The following KCNN3 variants were observed in gnomAD, a reference collection of about 807,000 sequenced individuals.
KCNN3 encodes the protein potassium calcium-activated channel subfamily N member 3.
In KCNN3, 16 loss-of-function variants were observed where a neutral mutation model predicts 62.9. That is an observed-to-expected ratio of 0.25 (90% confidence interval 0.17 to 0.39). The LOEUF is 0.39. Ranked by LOEUF, KCNN3 falls within the 10% of genes least tolerant of loss-of-function variation. KCNN3 has a pLI of 1.00. For missense variants in KCNN3, 599 were observed against 949.4 expected, an observed-to-expected ratio of 0.63 and a Z score of 4.85; for synonymous variants, 370 against 389.2, an observed-to-expected ratio of 0.95 and a Z score of 0.58.
At chr1:154,831,912 G>A (rs1222048823) in intron 1 of KCNN3, among the ~76,000 whole-genome samples, 1 of 151,982 alleles carries the variant, frequency 6.6e-6, no homozygotes, top group Non-Finnish European at 1.5e-5. Flanking sequence ...AACACCAGGA[G>A]ATCAGCTAGT....
chr1:154,814,542 A>G (rs1339580522), intron 2 of KCNN3, among the ~76,000 whole-genome samples: 1 of 152,222 alleles, frequency 6.6e-6, no homozygotes, highest in Non-Finnish European at 1.5e-5. Flanking sequence ...GGCCAGAGAG[A>G]GTTCCTGGAG....
At chr1:154,758,424 C>A (rs1647834410) in intron 3 of KCNN3, among the ~76,000 whole-genome samples, 1 of 152,220 alleles carries the variant, frequency 6.6e-6, no homozygotes, top group Non-Finnish European at 1.5e-5. Flanking sequence ...GTTCTGTGCC[C>A]CCTCTATTGT....
At chr1:154,847,212 CT>C (rs112172402) in intron 1 of KCNN3, among the ~76,000 whole-genome samples, 2,826 of 152,148 alleles carry the variant, frequency 0.019, 63 homozygotes, top group East Asian at 0.064. Context: ...CTACCCCCCC[CT>C]GCCCTCGGGG....
chr1:154,737,038 A>G (rs1285849851), intron 3 of KCNN3: 2 of 702,088 alleles, frequency 2.8e-6, no homozygotes, highest in African/African-American at 3.5e-5. Flanking sequence ...CATACATGCA[A>G]CTCACCAAGC....
chr1:154,818,336 C>T (rs373594556), intron 2 of KCNN3, among the ~76,000 whole-genome samples: 3 of 152,294 alleles, frequency 2.0e-5, no homozygotes, highest in South Asian at 4.1e-4. Context: ...TGCCTCTTCT[C>T]GGCAGAAGGG....
At position 154,701,827 on chromosome 1, in the gene KCNN3, C is replaced by T. The variant is rs923089550; in HGVS notation, c.*6149G>A. The T allele has an allele frequency of 6.6e-6, 1 of 152,180 alleles. No individual in the cohort carries two copies. Among genetic ancestry groups the T allele is most frequent in the African/African-American group, 2.4e-5 (1 of 41,444 alleles). 9.4% of individuals were successfully genotyped at this position (152,180 alleles called of 1,614,324 possible). ...GGAAAGCCGACCCCGGTTTCACGTA[C>T]ATGGAGAAACTCAGAATGCCTAGGA... On this transcript the variant is annotated 3_prime_UTR_variant, in exon 8 of 8. Coordinates refer to ENST00000271915, the MANE Select transcript of KCNN3 (RefSeq NM_002249.6).
chr1:154,737,012 C>T (rs900740658), intron 3 of KCNN3: 14 of 701,380 alleles, frequency 2.0e-5, no homozygotes, highest in African/African-American at 1.2e-4. Flanking sequence ...CTTGGAGCTT[C>T]GTCATGGAGA....
At chr1:154,823,338 A>G (rs1025882412) in intron 1 of KCNN3, among the ~76,000 whole-genome samples, 3 of 152,260 alleles carry the variant, frequency 2.0e-5, no homozygotes, top group African/African-American at 7.2e-5. Context: ...CTTGGTCCTG[A>G]GTGGTGCACG....
At chr1:154,725,404 A>T (rs1318732360) in intron 5 of KCNN3, among the ~76,000 whole-genome samples, 3 of 152,168 alleles carry the variant, frequency 2.0e-5, no homozygotes, top group Non-Finnish European at 2.9e-5. Flanking sequence ...TGCCTGAACC[A>T]TGCACAGTGA....
rs112384702 is a variant in KCNN3, at chr1:154,771,202, C to T, written c.1448+773G>A. ...GGTGGCTTCAGTCCTGCCCTTGAGC[C>T]TTGTTGATGGCTGTTCCAAGGAGTT... On this transcript the variant is annotated intron_variant, in intron 3 of 7. Coordinates refer to ENST00000271915, the MANE Select transcript of KCNN3 (RefSeq NM_002249.6). Among the ~76,000 whole-genome samples, 1,465 of 152,256 alleles carry T rather than the reference C, an allele frequency of 9.6e-3. 23 individuals are homozygous for T. The highest frequency in any genetic ancestry group is 0.033 in the African/African-American group (1,387 of 41,538).
At chr1:154,799,328 G>A (rs910874018) in intron 2 of KCNN3, among the ~76,000 whole-genome samples, 1 of 152,184 alleles carries the variant, frequency 6.6e-6, no homozygotes, top group Non-Finnish European at 1.5e-5. Flanking sequence ...ATGCCAAATG[G>A]ATTGGGTCAT....
rs1190176284 is a variant in KCNN3 at position 154,862,937 on chromosome 1, G to A, written c.933+6095C>T. On this transcript the variant is annotated intron_variant, in intron 1 of 7. Coordinates refer to ENST00000271915, the MANE Select transcript of KCNN3 (RefSeq NM_002249.6). The surrounding 1 kb of genome is among the most constrained non-coding windows in gnomAD (Gnocchi z 4.1). Reference sequence around the variant, plus strand: ...ATGAACTTGGGAGCTAAACGGGCTTGGGTTCTTATCTCAGTGCCACCACCG... The same window carrying A: ...ATGAACTTGGGAGCTAAACGGGCTTAGGTTCTTATCTCAGTGCCACCACCG... 2.6e-5 allele frequency among the ~76,000 whole-genome samples: 4 copies of A among 152,200 alleles called. No homozygotes were observed. Among genetic ancestry groups the A allele is most frequent in the Non-Finnish European group, 5.9e-5 (4 of 68,032 alleles).
rs1227114832 is a variant in KCNN3, at chr1:154,822,178, T to C, written c.940A>G (p.Met314Val). ...AGGCATTTCAGGGCCAACGAAAACA[T>C]GGAGTCCTGCAGGAACAATGGAGAG... is the stretch of plus-strand genomic sequence containing the variant. ...LSWGLYSKDS[M>V]FSLALKCLIS... Residue 314 changes from methionine to valine, a missense_variant, in exon 2 of 8, where the codon ATG becomes GTG. Met to Val is a conservative substitution (Grantham distance 21). Transcript: ENST00000271915. The C allele has an allele frequency of 1.9e-6, 3 of 1,610,846 alleles. No homozygotes were observed. The highest frequency in any genetic ancestry group is 1.7e-5 in the Admixed American group (1 of 60,026).
chr1:154,861,898 A>G (rs1652785659), intron 1 of KCNN3, among the ~76,000 whole-genome samples: 1 of 152,192 alleles, frequency 6.6e-6, no homozygotes, highest in Non-Finnish European at 1.5e-5. Context: ...GGGACTCGAC[A>G]AAGATCACAC....
intron 3 of KCNN3, among the ~76,000 whole-genome samples, chr1:154,745,461 G>A (rs1700919030): frequency 6.6e-6 from 1 of 152,250 alleles, no homozygotes. Context: ...AACTCTGGAA[G>A]AGGTGGGACA....
intron 1 of KCNN3, among the ~76,000 whole-genome samples, chr1:154,853,078 T>C (rs1652368889): frequency 6.6e-6 from 1 of 151,632 alleles, no homozygotes; most frequent in Non-Finnish European, 1.5e-5. Context: ...CATCCTCGAA[T>C]TCCTGGGCTT....
chr1:154,732,777 C>T (rs1700624033), intron 4 of KCNN3, among the ~76,000 whole-genome samples: 1 of 152,182 alleles, frequency 6.6e-6, no homozygotes, highest in African/African-American at 2.4e-5. Context: ...CCATTAACTG[C>T]CAGGAGTCCA....
chr1:154,735,259 C>T (rs1700686750), intron 3 of KCNN3, among the ~76,000 whole-genome samples: 1 of 152,188 alleles, frequency 6.6e-6, no homozygotes, highest in African/African-American at 2.4e-5. Context: ...CCCACCGGAG[C>T]CCGGCCCTAG....
intron 1 of KCNN3, 114 bp from the exon 2 acceptor site, chr1:154,822,298 C>A: frequency 3.7e-6 from 3 of 801,136 alleles, no homozygotes; most frequent in Non-Finnish European, 6.4e-6. Flanking sequence ...CTGTTACCAG[C>A]CCCTCCTAGG....
Sources: gnomAD v4.1 joint callset for allele counts (sites outside exome capture counted in the v4.1 genomes callset) on GRCh38, gnomAD v4.1.1 for gene constraint, Gnocchi (gnomAD v3.1) non-coding constraint, MANE v1.5 for transcripts, NCBI Gene and HGNC (gene_info 2026-07-23, HGNC 2026-07-21) for gene names.